The following RPSA2 variants were observed in gnomAD, a reference collection of about 807,000 sequenced individuals.
RPSA2 encodes the protein small ribosomal subunit protein uS2B.
At chr19:23,790,498 C>G in the RPSA2 span, among the ~76,000 whole-genome samples, 148,806 of 152,128 alleles carry the variant, frequency 0.98, 72,870 homozygotes, top group Middle Eastern at 1. Flanking sequence ...ATCACATCTT[C>G]TGTCACTCAG....
the RPSA2 span, among the ~76,000 whole-genome samples, chr19:23,869,110 G>C: frequency 2.4e-4 from 36 of 152,166 alleles, 1 homozygote; most frequent in Admixed American, 2.4e-3. Flanking sequence ...TCCTCCAGCA[G>C]TACAACCTGT....
chr19:23,810,744 G>A, the RPSA2 span, among the ~76,000 whole-genome samples: 4 of 152,086 alleles, frequency 2.6e-5, no homozygotes, highest in Non-Finnish European at 5.9e-5. Flanking sequence ...GCTATAAATG[G>A]GTGTCTTCCT....
At chr19:23,786,448 T>C in the RPSA2 span, among the ~76,000 whole-genome samples, 3 of 152,174 alleles carry the variant, frequency 2.0e-5, no homozygotes, top group Non-Finnish European at 2.9e-5. Flanking sequence ...TCTTCTTTTT[T>C]TGGGGACCCA....
the RPSA2 span, among the ~76,000 whole-genome samples, chr19:23,782,809 A>T: frequency 5.9e-5 from 9 of 152,120 alleles, no homozygotes; most frequent in Admixed American, 2.6e-4. Context: ...TGAGCCCAGC[A>T]CCTAGGCTAT....
the RPSA2 span, among the ~76,000 whole-genome samples, chr19:23,780,472 T>C: frequency 6.6e-6 from 1 of 151,974 alleles, no homozygotes; most frequent in African/African-American, 2.4e-5. Flanking sequence ...TGAAACCCCA[T>C]CTGTACTAAA....
chr19:23,785,507 A>G, the RPSA2 span, among the ~76,000 whole-genome samples: 1 of 152,136 alleles, frequency 6.6e-6, no homozygotes, highest in South Asian at 2.1e-4. Flanking sequence ...TCTTTCTTGC[A>G]TGGCCTTTTA....
chr19:23,841,224 G>C, the RPSA2 span, among the ~76,000 whole-genome samples: 2 of 151,892 alleles, frequency 1.3e-5, no homozygotes, highest in Admixed American at 1.3e-4. Context: ...GTATTATTTG[G>C]GAGGCCGAGG....
the RPSA2 span, among the ~76,000 whole-genome samples, chr19:23,805,141 AC>A: frequency 1.6e-4 from 1 of 6,360 alleles, no homozygotes; most frequent in African/African-American, 1.8e-4. Flanking sequence ...ACACACACAC[AC>A]ACACACACAC....
the RPSA2 span, among the ~76,000 whole-genome samples, chr19:23,792,567 C>CTA: frequency 0.98 from 147,792 of 151,104 alleles, 72,369 homozygotes; most frequent in Middle Eastern, 1. Context: ...AAAGTAGCAA[C>CTA]TAAGTTTTTT....
chr19:23,844,230 T>G, the RPSA2 span, among the ~76,000 whole-genome samples: 3 of 152,212 alleles, frequency 2.0e-5, no homozygotes, highest in Non-Finnish European at 2.9e-5. Flanking sequence ...TTTTGACTAT[T>G]TTTCAGTTGG....
the RPSA2 span, among the ~76,000 whole-genome samples, chr19:23,787,395 G>A: frequency 6.5e-4 from 98 of 151,742 alleles, no homozygotes; most frequent in African/African-American, 2.2e-3. Context: ...AAGGTCAGGA[G>A]TACAAGACCA....
At chr19:23,762,564 T>C in the RPSA2 span, among the ~76,000 whole-genome samples, 1 of 150,662 alleles carries the variant, frequency 6.6e-6, no homozygotes, top group Non-Finnish European at 1.5e-5. Flanking sequence ...TAATCCCAGC[T>C]ACTCGGGAGG....
chr19:23,766,745 T>C, the RPSA2 span, among the ~76,000 whole-genome samples: 1 of 134,264 alleles, frequency 7.4e-6, no homozygotes, highest in Non-Finnish European at 1.6e-5. Context: ...TGAGCCACCG[T>C]GCCGGGCCAA....
chr19:23,811,328 T>C, the RPSA2 span, among the ~76,000 whole-genome samples: 2 of 152,116 alleles, frequency 1.3e-5, no homozygotes, highest in African/African-American at 4.8e-5. Context: ...AAGGCACTTA[T>C]TTTTGAGATG....
the RPSA2 span, among the ~76,000 whole-genome samples, chr19:23,765,941 AAAATT>A: frequency 6.7e-6 from 1 of 148,930 alleles, no homozygotes; most frequent in African/African-American, 2.5e-5. Context: ...AGGTGTGTAA[AAAATT>A]AATTTATTCT....
the RPSA2 span, among the ~76,000 whole-genome samples, chr19:23,816,684 G>A: frequency 1.3e-5 from 2 of 152,068 alleles, no homozygotes; most frequent in African/African-American, 2.4e-5. Flanking sequence ...CTTACCCTGG[G>A]CAAATTACAG....
the RPSA2 span, chr19:23,817,701 A>G: frequency 6.6e-6 from 1 of 152,202 alleles, no homozygotes; most frequent in Non-Finnish European, 1.5e-5. Context: ...TTATACATGC[A>G]TGGGCCATCT....
chr19:23,854,105 AATTGAGCAACTG>A, the RPSA2 span, among the ~76,000 whole-genome samples: 316 of 152,296 alleles, frequency 2.1e-3, 3 homozygotes, highest in African/African-American at 6.7e-3. Flanking sequence ...TAGTAAAAGT[AATTGAGCAACTG>A]ACTCACTGAC....
chr19:23,823,953 G>T, the RPSA2 span: 1 of 152,220 alleles, frequency 6.6e-6, no homozygotes. Context: ...TCTCCTGGCT[G>T]GCTCACCAAA....
Sources: gnomAD v4.1 joint callset for allele counts (sites outside exome capture counted in the v4.1 genomes callset) on GRCh38, gnomAD v4.1.1 for gene constraint, MANE v1.5 for transcripts, NCBI Gene and HGNC (gene_info 2026-07-23, HGNC 2026-07-21) for gene names.